The following VAMP5 variants were observed in gnomAD, a reference collection of about 807,000 sequenced individuals.
VAMP5 encodes vesicle-associated membrane protein 5.
Under a neutral mutation model 8.1 loss-of-function variants are expected in VAMP5, and 10 were observed. The ratio of observed to expected loss-of-function variants is 1.23; its 90% CI spans 0.76 to 2.09. The LOEUF (loss-of-function observed/expected upper bound fraction) is 2.09. Ranked by LOEUF, VAMP5 falls within the 30% of genes most tolerant of loss-of-function variation. VAMP5 has a pLI of 0.00. For missense variants in VAMP5, 135 were observed against 152.5 expected (o/e 0.89, Z 0.60); for synonymous variants, 62 against 60.6 (o/e 1.02, Z -0.11).
chr2:85,591,940 G>T, intron 2 of VAMP5, 78 bp downstream of exon 2: 1 of 1,585,032 alleles, frequency 6.3e-7, no homozygotes, highest in Non-Finnish European at 8.6e-7. Context: ...AGGATCTCCA[G>T]TTCCTTGGTG....
chr2:85,588,131 G>GGGCA (rs1273582887), intron 1 of VAMP5, among the ~76,000 whole-genome samples: 1 of 152,082 alleles, frequency 6.6e-6, no homozygotes, highest in African/African-American at 2.4e-5. Flanking sequence ...CTGGGACTAT[G>GGGCA]GGCAGGCACC....
In VAMP5 at chr2:85,591,747, G is replaced by A. The variant is rs774310109; in HGVS notation, c.26G>A (p.Cys9Tyr). 1 of 1,614,178 alleles carries A rather than the reference G, an allele frequency of 6.2e-7. No homozygotes were observed. The highest frequency in any genetic ancestry group is 1.3e-5 in the African/African-American group (1 of 75,044). ...CAGGCAGGAATAGAGTTGGAGCGGT[G>A]CCAGCAGCAGGCGAACGAGGTGACG... MAGIELER[C>Y]QQQANEVTEI... Residue 9 changes from cysteine (C) to tyrosine (Y), a missense_variant, in exon 2 of 3, where the codon TGC (cysteine) becomes TAC (tyrosine). Physicochemically the swap from Cys to Tyr is radical, Grantham distance 194 (BLOSUM62 -2). Coordinates refer to ENST00000306384, the MANE Select transcript of VAMP5 (RefSeq NM_006634.3).
chr2:85,586,978 G>C (rs1307757969), intron 1 of VAMP5, among the ~76,000 whole-genome samples: 1 of 151,948 alleles, frequency 6.6e-6, no homozygotes, highest in Admixed American at 6.6e-5. Context: ...TGGAGGCTGA[G>C]GCAGGAGAAT....
At chr2:85,585,507 G>T (rs547361467) in intron 1 of VAMP5, among the ~76,000 whole-genome samples, 2 of 152,354 alleles carry the variant, frequency 1.3e-5, no homozygotes, top group Admixed American at 1.3e-4. Flanking sequence ...CTGAGGCCAG[G>T]CCAGGAAGCT....
At chr2:85,586,812 C>CT (rs1180333679) in intron 1 of VAMP5, among the ~76,000 whole-genome samples, 3 of 152,180 alleles carry the variant, frequency 2.0e-5, no homozygotes, top group Non-Finnish European at 4.4e-5. Context: ...TGGCTCACGC[C>CT]TGTAATCCCA....
chr2:85,593,021 G>A lies in VAMP5; in HGVS notation c.215G>A (p.Cys72Tyr). The A allele has an allele frequency of 6.2e-7, 1 of 1,614,202 alleles. No individual in the cohort carries two copies. The highest frequency in any genetic ancestry group is 8.5e-7 in the Non-Finnish European group (1 of 1,180,038). Residue 72 changes from cysteine to tyrosine, a missense_variant, in exon 3 of 3, where the codon TGC becomes TAC. Coordinates refer to ENST00000306384, the MANE Select transcript of VAMP5 (RefSeq NM_006634.3). ...KCWENIRYRICVGLVVVGVLL... is the reference protein window; with the variant it reads ...KCWENIRYRIYVGLVVVGVLL... ...TGGGAGAACATCCGTTACCGGATCT[G>A]CGTGGGGCTGGTGGTGGTTGGTGTC...
intron 2 of VAMP5, among the ~76,000 whole-genome samples, chr2:85,592,307 G>A (rs1672552604): frequency 6.6e-6 from 1 of 152,080 alleles, no homozygotes; most frequent in Non-Finnish European, 1.5e-5. Flanking sequence ...ATGTTGCCCA[G>A]GCTGGTCTTG....
At chr2:85,586,419 A>G (rs1347676824) in intron 1 of VAMP5, among the ~76,000 whole-genome samples, 1 of 152,120 alleles carries the variant, frequency 6.6e-6, no homozygotes, top group Admixed American at 6.6e-5. Flanking sequence ...TACTAAAAAT[A>G]TAAAAAAATA....
At chr2:85,590,890 G>T (rs759396110) in intron 1 of VAMP5, among the ~76,000 whole-genome samples, 3 of 152,156 alleles carry the variant, frequency 2.0e-5, no homozygotes, top group Non-Finnish European at 4.4e-5. Flanking sequence ...TCTCTCCCCT[G>T]TCATTTCAAC....
At chr2:85,585,623 T>C (rs55971080) in intron 1 of VAMP5, among the ~76,000 whole-genome samples, 80,324 of 152,066 alleles carry the variant, frequency 0.53, 22,713 homozygotes, top group African/African-American at 0.74. Context: ...CTTAGCTCTT[T>C]GGGAGAAGCT....
chr2:85,588,737 C>T lies in VAMP5; in HGVS notation c.4-2988C>T, dbSNP rs551132217. 6.7e-4 allele frequency among the ~76,000 whole-genome samples: 102 copies of T among 152,262 alleles called. 3 individuals are homozygous for T. Among genetic ancestry groups the T allele is most frequent in the African/African-American group, 2.2e-3 (93 of 41,554 alleles). On this transcript the variant is annotated intron_variant, in intron 1 of 2. Transcript: ENST00000306384. Reference sequence around the variant, plus strand: ...CTTGGAGCCAGTCTTCTCTACCTGACCTTTTCTGCCTTCTGTCCTGCCCCA... The same window carrying T: ...CTTGGAGCCAGTCTTCTCTACCTGATCTTTTCTGCCTTCTGTCCTGCCCCA...
chr2:85,590,382 ATGG>A (rs1672522863), intron 1 of VAMP5, among the ~76,000 whole-genome samples: 1 of 151,988 alleles, frequency 6.6e-6, no homozygotes, highest in Non-Finnish European at 1.5e-5. Context: ...TCCCGGTGGG[ATGG>A]TGGTGGACAA....
At position 85,593,206 on chromosome 2, in the gene VAMP5, G is replaced by C; in HGVS notation, c.*49G>C. ...CCAAATGGCTGCACTGGCCGATTCT[G>C]GTCTCCAGAGGACCTTGGTGTTTGC... On this transcript the variant is annotated 3_prime_UTR_variant, in exon 3 of 3. Coordinates refer to ENST00000306384, the MANE Select transcript of VAMP5 (RefSeq NM_006634.3). 6.3e-7 allele frequency: 1 copy of C among 1,598,524 alleles called. No individual in the cohort carries two copies. The highest frequency in any genetic ancestry group is 8.5e-7 in the Non-Finnish European group (1 of 1,171,110).
At position 85,591,845 on chromosome 2, in the gene VAMP5, G is replaced by A. The variant is rs201112273; in HGVS notation, c.124G>A (p.Asp42Asn). ...VKLAELQQRS[D>N]QLLDMSSTFN... ...GCTGGCCGAACTGCAGCAGCGTTCA[G>A]ACCAACTCCTGGATATGGTGTGAGG... The change falls in exon 2 of 3, where the codon GAC becomes AAC. Residue 42 changes from aspartate (D) to asparagine (N), a missense_variant. Transcript: ENST00000306384. 3.1e-5 allele frequency: 50 copies of A among 1,614,190 alleles called. No individual in the cohort carries two copies. The East Asian group carries it at 9.6e-4, about 31-fold the overall frequency.
At chr2:85,587,581 TAA>T (rs577522694) in intron 1 of VAMP5, among the ~76,000 whole-genome samples, 8 of 137,770 alleles carry the variant, frequency 5.8e-5, no homozygotes, top group African/African-American at 2.7e-5. Flanking sequence ...ATCTGACTGC[TAA>T]AAAAAAAAAA....
intron 1 of VAMP5, among the ~76,000 whole-genome samples, chr2:85,585,028 G>C (rs1279992335): frequency 6.6e-6 from 1 of 152,264 alleles, no homozygotes; most frequent in Non-Finnish European, 1.5e-5. Context: ...TGGCTCAGGA[G>C]TTGGAAACTT....
chr2:85,589,765 C>T (rs1454446222), intron 1 of VAMP5, among the ~76,000 whole-genome samples: 1 of 152,108 alleles, frequency 6.6e-6, no homozygotes, highest in African/African-American at 2.4e-5. Flanking sequence ...TCAAGCGATT[C>T]TCCCATCTCA....
intron 1 of VAMP5, among the ~76,000 whole-genome samples, chr2:85,590,702 G>A (rs1030839691): frequency 3.3e-5 from 5 of 152,194 alleles, no homozygotes; most frequent in Admixed American, 1.3e-4. Flanking sequence ...GGGATGGGCT[G>A]TGGGGAAGTA....
At chr2:85,587,086 G>A (rs2104044857) in intron 1 of VAMP5, among the ~76,000 whole-genome samples, 1 of 151,194 alleles carries the variant, frequency 6.6e-6, no homozygotes, top group African/African-American at 2.4e-5. Context: ...AAAAAAAAAA[G>A]AAAGAAAATA....
Sources: gnomAD v4.1 joint callset for allele counts (sites outside exome capture counted in the v4.1 genomes callset) on GRCh38, gnomAD v4.1.1 for gene constraint, MANE v1.5 for transcripts, NCBI Gene and HGNC (gene_info 2026-07-23, HGNC 2026-07-21) for gene names.